AFDN: variants seen among roughly 807,000 people sequenced by gnomAD.
The protein encoded by AFDN is afadin, adherens junction formation factor.
Under a neutral mutation model 216.6 loss-of-function variants are expected in AFDN, and 68 were observed. That is an observed-to-expected ratio of 0.31 (90% CI 0.26 to 0.38). The LOEUF is 0.38. Ranked by LOEUF, AFDN falls within the 10% of genes least tolerant of loss-of-function variation. The pLI, the probability that AFDN is intolerant of heterozygous loss-of-function variation, is 1.00. For missense variants in AFDN, 2,136 were observed against 2,342.0 expected, an observed-to-expected ratio of 0.91 and a Z score of 1.82; for synonymous variants, 868 against 853.7, an observed-to-expected ratio of 1.02 and a Z score of -0.29.
intron 6 of AFDN, among the ~76,000 whole-genome samples, chr6:167,885,082 T>C (rs1786621804): frequency 6.6e-6 from 1 of 152,200 alleles, no homozygotes; most frequent in African/African-American, 2.4e-5. Flanking sequence ...AGACTTTTCT[T>C]CTGCATCCTT....
chr6:167,961,758 G>GA (rs1797059591), intron 30 of AFDN, among the ~76,000 whole-genome samples: 1 of 152,202 alleles, frequency 6.6e-6, no homozygotes, highest in South Asian at 2.1e-4. Context: ...AGAGAGCCGA[G>GA]ATAGGGCTCC....
At chr6:167,937,846 C>G (rs894456710) in intron 23 of AFDN, among the ~76,000 whole-genome samples, 37 of 152,204 alleles carry the variant, frequency 2.4e-4, no homozygotes, top group African/African-American at 8.4e-4. Context: ...TGCTTCTTAA[C>G]TTACTATTTA....
At chr6:167,861,692 G>C (rs551219588) in intron 1 of AFDN, among the ~76,000 whole-genome samples, 3 of 152,278 alleles carry the variant, frequency 2.0e-5, no homozygotes, top group African/African-American at 7.2e-5. Flanking sequence ...TTGTGTTGCT[G>C]ATGTTAATGG....
At chr6:167,834,274 C>T (rs1322836514) in intron 1 of AFDN, among the ~76,000 whole-genome samples, 2 of 151,986 alleles carry the variant, frequency 1.3e-5, no homozygotes, top group Non-Finnish European at 2.9e-5. Flanking sequence ...TTCCCCGAGT[C>T]CCCGAAGTCC....
intron 31 of AFDN, among the ~76,000 whole-genome samples, chr6:167,965,286 G>A (rs1346126442): frequency 6.6e-6 from 1 of 152,122 alleles, no homozygotes; most frequent in East Asian, 1.9e-4. Flanking sequence ...GAAAAAGAGT[G>A]CAAGTTTGCC....
Position 167,917,075 on chromosome 6 carries a change from A to T in AFDN, c.2566-14A>T, listed in dbSNP as rs374885551. The T allele has an allele frequency of 3.7e-4, 591 of 1,610,112 alleles. 1 individual carries two copies. Among genetic ancestry groups the T allele is most frequent in the Admixed American group, 9.6e-4 (57 of 59,512 alleles). Reference sequence around the variant, plus strand: ...ACAAGTGTGATATTTTATGTCCTTTATTCTTTTACATAGGCAACGACTTTG... The same window carrying T: ...ACAAGTGTGATATTTTATGTCCTTTTTTCTTTTACATAGGCAACGACTTTG... On this transcript the variant is annotated splice_polypyrimidine_tract_variant and intron_variant, in intron 19 of 33. Transcript: ENST00000683244.
chr6:167,942,451 C>G (rs1027986766), intron 23 of AFDN, among the ~76,000 whole-genome samples: 2 of 152,240 alleles, frequency 1.3e-5, no homozygotes, highest in South Asian at 2.1e-4. Flanking sequence ...TTGATAGTTG[C>G]AATAAATTAC....
At chr6:167,878,744 ATCTG>A (rs1279164665) in intron 5 of AFDN, among the ~76,000 whole-genome samples, 1 of 152,154 alleles carries the variant, frequency 6.6e-6, no homozygotes, top group Non-Finnish European at 1.5e-5. Flanking sequence ...TCCTGACCTC[ATCTG>A]CCCCTTTTCC....
At chr6:167,959,628 A>G (rs549539211) in intron 30 of AFDN, among the ~76,000 whole-genome samples, 2 of 152,282 alleles carry the variant, frequency 1.3e-5, no homozygotes, top group Non-Finnish European at 2.9e-5. Flanking sequence ...AAAGGGTATT[A>G]TGACCCCATT....
At chr6:167,969,316 G>C (rs1797856954) in intron 33 of AFDN, 118 bp downstream of exon 33, 2 of 773,734 alleles carry the variant, frequency 2.6e-6, no homozygotes, top group Non-Finnish European at 2.2e-6. Context: ...GACCTCACCT[G>C]GATTGTAATT....
At chr6:167,917,490 C>T (rs1401272308) in intron 20 of AFDN, among the ~76,000 whole-genome samples, 1 of 152,090 alleles carries the variant, frequency 6.6e-6, no homozygotes, top group East Asian at 1.9e-4. Flanking sequence ...AGGAGGCTGC[C>T]CAGGACTGTT....
chr6:167,861,717 C>T (rs1038802269), intron 1 of AFDN, among the ~76,000 whole-genome samples: 1 of 152,154 alleles, frequency 6.6e-6, no homozygotes, highest in African/African-American at 2.4e-5. Context: ...TCCCTCTCAC[C>T]CTTGCCAGCC....
At chr6:167,907,871 C>A (rs1440034024) in intron 13 of AFDN, among the ~76,000 whole-genome samples, 1 of 151,926 alleles carries the variant, frequency 6.6e-6, no homozygotes. Context: ...TAACGTGTCA[C>A]CTTAATCAGA....
intron 33 of AFDN, among the ~76,000 whole-genome samples, chr6:167,969,517 C>T (rs1797873251): frequency 1.3e-5 from 2 of 152,178 alleles, no homozygotes; most frequent in South Asian, 2.1e-4. Flanking sequence ...GTAAGAGTCA[C>T]CTGCTTGCTA....
intron 13 of AFDN, 48 bp from the exon 14 acceptor site, chr6:167,911,053 G>A: frequency 6.7e-7 from 1 of 1,503,570 alleles, no homozygotes; most frequent in Non-Finnish European, 9.2e-7. Flanking sequence ...CAGTAATATT[G>A]TTAGCCATGT....
At position 167,945,670 on chromosome 6, in the gene AFDN, T is replaced by G. The variant is rs189014557; in HGVS notation, c.3359-1037T>G. Among the ~76,000 whole-genome samples the G allele has an allele frequency of 3.5e-4, 54 of 152,342 alleles. 1 individual carries two copies. The East Asian group carries it at 0.01, about 29-fold the overall frequency. The stretch of plus-strand genomic sequence containing the variant: ...CTCCGTTTTAATCTTAGGAGACCAC[T>G]GTCACGGATGTGGTTCATCATTGAC... On this transcript the variant is annotated intron_variant, in intron 26 of 33. Coordinates refer to ENST00000683244, the MANE Select transcript of AFDN (RefSeq NM_001386888.1).
At chr6:167,852,183 T>C (rs1013794682) in intron 1 of AFDN, among the ~76,000 whole-genome samples, 8 of 152,190 alleles carry the variant, frequency 5.3e-5, no homozygotes, top group Admixed American at 5.2e-4. Context: ...TTATCTGTTA[T>C]TCGGTCCATA....
intron 1 of AFDN, among the ~76,000 whole-genome samples, chr6:167,834,481 G>A (rs1213447109): frequency 2.6e-4 from 4 of 15,542 alleles, no homozygotes; most frequent in African/African-American, 2.5e-4. Context: ...TTTTTTTTTC[G>A]AAAGGTATAA....
In AFDN at chr6:167,915,301, C is replaced by T. The variant is rs769140144; in HGVS notation, c.2433C>T (p.Thr811=). ...TGTGGCTGTTCAATAGATTGGTGAC[C>T]GACCCAGATTCGGGGCTGTGCTCCC... is the stretch of plus-strand genomic sequence containing the variant. ...INMWLFNRLV[T]DPDSGLCSHY... Residue 811 remains threonine, a synonymous_variant, in exon 19 of 34, where the codon ACC becomes ACT. Transcript: ENST00000683244. 1.4e-5 allele frequency: 23 copies of T among 1,614,078 alleles called. No individual in the cohort carries two copies. Among genetic ancestry groups the T allele is most frequent in the South Asian group, 4.4e-5 (4 of 91,088 alleles).
Sources: gnomAD v4.1 joint callset for allele counts (sites outside exome capture counted in the v4.1 genomes callset) on GRCh38, gnomAD v4.1.1 for gene constraint, MANE v1.5 for transcripts, NCBI Gene and HGNC (gene_info 2026-07-23, HGNC 2026-07-21) for gene names.